The following RPS6KC1 variants were observed in gnomAD, a reference collection of about 807,000 sequenced individuals.
RPS6KC1 encodes ribosomal protein S6 kinase C1.
A neutral mutation model predicts 103.8 loss-of-function variants in RPS6KC1; 54 were observed. That is an observed-to-expected ratio of 0.52 (90% confidence interval 0.42 to 0.65). The LOEUF (loss-of-function observed/expected upper bound fraction) is 0.65, where lower values mean the gene tolerates loss of function less well. Among genes scored for constraint, RPS6KC1 ranks in the 30% least tolerant of loss-of-function variants. The probability of loss-of-function intolerance (pLI) is 0.00; values close to 1 mark genes in which losing one functional copy is unlikely to be tolerated. For synonymous variants in RPS6KC1, 439 were observed against 438.7 expected (o/e 1.00, Z -0.01); for missense variants, 1,151 against 1,253.8 (o/e 0.92, Z 1.24).
chr1:213,745,012 C>A, the RPS6KC1 span, among the ~76,000 whole-genome samples: 1 of 152,230 alleles, frequency 6.6e-6, no homozygotes, highest in Non-Finnish European at 1.5e-5. Flanking sequence ...CCTGTCCAAA[C>A]ACAAACACGC....
chr1:213,091,183 G>A (rs933393063), intron 3 of RPS6KC1, among the ~76,000 whole-genome samples: 8 of 151,712 alleles, frequency 5.3e-5, no homozygotes, highest in African/African-American at 1.5e-4. Flanking sequence ...TCAGCCTCCC[G>A]AGTAGCTGGG....
chr1:213,511,656 T>C, the RPS6KC1 span, among the ~76,000 whole-genome samples: 1 of 152,204 alleles, frequency 6.6e-6, no homozygotes, highest in Admixed American at 6.5e-5. Context: ...CTTCTCCAGC[T>C]ATGCAGATCT....
intron 8 of RPS6KC1, among the ~76,000 whole-genome samples, chr1:213,193,685 G>C (rs951241459): frequency 6.6e-6 from 1 of 152,108 alleles, no homozygotes; most frequent in Non-Finnish European, 1.5e-5. Context: ...ACCCAGGCTG[G>C]AGTGTGGCGG....
At chr1:213,341,229 A>G in the RPS6KC1 span, among the ~76,000 whole-genome samples, 1 of 152,118 alleles carries the variant, frequency 6.6e-6, no homozygotes, top group South Asian at 2.1e-4. Context: ...TGCCTATACC[A>G]CCTTCTCAAT....
chr1:213,325,509 A>G, the RPS6KC1 span, among the ~76,000 whole-genome samples: 3 of 152,328 alleles, frequency 2.0e-5, no homozygotes, highest in South Asian at 4.1e-4. Flanking sequence ...CGCTCCATGC[A>G]CTTTGCATCT....
At chr1:213,667,687 C>T in the RPS6KC1 span, among the ~76,000 whole-genome samples, 5 of 152,252 alleles carry the variant, frequency 3.3e-5, no homozygotes, top group South Asian at 1.0e-3. Context: ...TTCTCTGTGG[C>T]ATGTGATGCT....
chr1:213,451,782 G>C, the RPS6KC1 span, among the ~76,000 whole-genome samples: 3 of 152,194 alleles, frequency 2.0e-5, no homozygotes, highest in Non-Finnish European at 4.4e-5. Flanking sequence ...ACCTGAGCTG[G>C]GGCAAGAACC....
At chr1:213,746,856 A>T in the RPS6KC1 span, among the ~76,000 whole-genome samples, 50 of 152,260 alleles carry the variant, frequency 3.3e-4, no homozygotes, top group African/African-American at 1.2e-3. Context: ...AGATTCTCAC[A>T]ACTGAGATGG....
At chr1:213,830,395 T>A in the RPS6KC1 span, among the ~76,000 whole-genome samples, 1 of 152,228 alleles carries the variant, frequency 6.6e-6, no homozygotes, top group East Asian at 1.9e-4. Context: ...CTTATTAATA[T>A]GGTTATTTTT....
At chr1:213,820,292 AGCTGGCCCGGAG>A in the RPS6KC1 span, 1 of 152,228 alleles carries the variant, frequency 6.6e-6, no homozygotes, top group Non-Finnish European at 1.5e-5. Flanking sequence ...TATTAGGGAA[AGCTGGCCCGGAG>A]ACTGCCCTAG....
the RPS6KC1 span, among the ~76,000 whole-genome samples, chr1:213,693,929 CG>C: frequency 2.0e-5 from 3 of 152,222 alleles, no homozygotes; most frequent in Admixed American, 6.5e-5. Context: ...TTCCTGCCCC[CG>C]ATCTGGCCTC....
At chr1:213,558,554 C>T in the RPS6KC1 span, among the ~76,000 whole-genome samples, 1 of 152,200 alleles carries the variant, frequency 6.6e-6, no homozygotes, top group South Asian at 2.1e-4. Flanking sequence ...AGCTTTTCAG[C>T]CCTTTGAGTC....
chr1:213,320,924 C>T, the RPS6KC1 span, among the ~76,000 whole-genome samples: 3 of 152,192 alleles, frequency 2.0e-5, no homozygotes, highest in Admixed American at 1.3e-4. Flanking sequence ...CTCTGTTTCT[C>T]ATTACAGTCT....
At position 213,222,624 on chromosome 1, in the gene RPS6KC1, T is replaced by C. The variant is rs943604538; in HGVS notation, c.1045-7873T>C. On this transcript the variant is annotated intron_variant, in intron 8 of 14. Coordinates refer to ENST00000366960, the MANE Select transcript of RPS6KC1 (RefSeq NM_012424.6). ...AGAAGTTAGACCCCAGTTGGGAGAATTGTTGATATTAAAGCCCACCGAGTA... is the reference window on the plus strand; with the variant it reads ...AGAAGTTAGACCCCAGTTGGGAGAACTGTTGATATTAAAGCCCACCGAGTA... 2.6e-5 allele frequency among the ~76,000 whole-genome samples: 4 copies of C among 152,170 alleles called. No homozygotes were observed. The South Asian group carries it at 8.3e-4, about 32-fold the overall frequency.
At chr1:213,858,786 A>G in the RPS6KC1 span, among the ~76,000 whole-genome samples, 1 of 152,214 alleles carries the variant, frequency 6.6e-6, no homozygotes, top group Admixed American at 6.5e-5. Context: ...GCTGTAAGAA[A>G]TGAGTATTTT....
the RPS6KC1 span, among the ~76,000 whole-genome samples, chr1:213,384,003 G>A: frequency 2.1e-4 from 32 of 152,268 alleles, no homozygotes; most frequent in African/African-American, 6.0e-4. Context: ...TTGACCAGGC[G>A]TGGTGGCTCA....
chr1:213,255,666 A>G (rs770952129), intron 12 of RPS6KC1, among the ~76,000 whole-genome samples: 1 of 152,198 alleles, frequency 6.6e-6, no homozygotes, highest in Admixed American at 6.5e-5. Flanking sequence ...TAAAATTTTT[A>G]ATCTAAGAAT....
At chr1:213,609,124 A>G in the RPS6KC1 span, among the ~76,000 whole-genome samples, 2 of 152,258 alleles carry the variant, frequency 1.3e-5, no homozygotes, top group Non-Finnish European at 2.9e-5. Flanking sequence ...AAGCAGGTCC[A>G]TTCCTAACAT....
chr1:213,109,615 G>A (rs185037982), intron 4 of RPS6KC1, among the ~76,000 whole-genome samples: 103 of 152,154 alleles, frequency 6.8e-4, no homozygotes, highest in African/African-American at 2.3e-3. Context: ...GCATGCATCA[G>A]TACTTTATCC....
Sources: gnomAD v4.1 joint callset for allele counts (sites outside exome capture counted in the v4.1 genomes callset) on GRCh38, gnomAD v4.1.1 for gene constraint, MANE v1.5 for transcripts, NCBI Gene and HGNC (gene_info 2026-07-23, HGNC 2026-07-21) for gene names.